The following CCNJL variants were observed in gnomAD, a reference collection of about 807,000 sequenced individuals.
CCNJL encodes cyclin J like.
Under a neutral mutation model 33.4 loss-of-function variants are expected in CCNJL, and 33 were observed. The ratio of observed to expected loss-of-function variants is 0.99; its 90% CI spans 0.75 to 1.32. CCNJL has a LOEUF of 1.32. Among genes scored for constraint, CCNJL ranks in the 40% most tolerant of loss-of-function variants. The probability of loss-of-function intolerance (pLI) is 0.00; values close to 1 mark genes in which losing one functional copy is unlikely to be tolerated. For missense variants in CCNJL, 512 were observed against 499.7 expected, an observed-to-expected ratio of 1.02 and a Z score of -0.23; for synonymous variants, 227 against 220.9, an observed-to-expected ratio of 1.03 and a Z score of -0.24.
chr5:160,295,261 A>T (rs148782734), intron 2 of CCNJL, among the ~76,000 whole-genome samples: 137 of 152,310 alleles, frequency 9.0e-4, no homozygotes, highest in African/African-American at 3.2e-3. Flanking sequence ...GAGGCCAAGG[A>T]GGGCGGTTCA....
intron 4 of CCNJL, among the ~76,000 whole-genome samples, chr5:160,259,076 G>GT (rs1343029678): frequency 6.6e-6 from 1 of 152,148 alleles, no homozygotes; most frequent in Non-Finnish European, 1.5e-5. Context: ...AAGTAACAGG[G>GT]TAACTTTTAT....
chr5:160,289,586 C>G lies in CCNJL; in HGVS notation c.67-8848G>C, dbSNP rs138107713. 1.7e-3 allele frequency among the ~76,000 whole-genome samples: 264 copies of G among 152,060 alleles called. 2 individuals are homozygous for G. The highest frequency in any genetic ancestry group is 6.0e-3 in the African/African-American group (250 of 41,476). On this transcript the variant is annotated intron_variant, in intron 2 of 5. Coordinates refer to ENST00000257536, the MANE Select transcript of CCNJL (RefSeq NM_001308173.3). ...GGTGGCTGCCCCTTTAGAAACCACT[C>G]TCCTTGCTGCCCAAGAGTTTTGCCT...
At chr5:160,269,675 T>A (rs1249290058) in intron 3 of CCNJL, 1 of 352,258 alleles carries the variant, frequency 2.8e-6, no homozygotes, top group African/African-American at 2.2e-5. Context: ...TCAGCACAAA[T>A]GCTGCTCTGC....
intron 3 of CCNJL, among the ~76,000 whole-genome samples, chr5:160,275,674 A>C (rs1398714724): frequency 1.3e-5 from 2 of 152,196 alleles, no homozygotes; most frequent in East Asian, 3.8e-4. Flanking sequence ...TTTTAAAAGT[A>C]AAAACGTATC....
At chr5:160,295,554 A>C (rs1293610886) in intron 2 of CCNJL, among the ~76,000 whole-genome samples, 1 of 152,196 alleles carries the variant, frequency 6.6e-6, no homozygotes, top group African/African-American at 2.4e-5. Flanking sequence ...AGGTCATATT[A>C]GATCAGGATA....
chr5:160,259,742 G>A lies in CCNJL; in HGVS notation c.310C>T (p.Pro104Ser), dbSNP rs764067262. 5.6e-6 allele frequency: 9 copies of A among 1,612,280 alleles called. No homozygotes were observed. Among genetic ancestry groups the A allele is most frequent in the Middle Eastern group, 1.7e-4 (1 of 6,056 alleles). ...GTGCTGTTTATTTGCTCCAACTTGGGGACGTGGTCTTCCCGATCCTCGAAC... is the reference window on the plus strand; with the variant it reads ...GTGCTGTTTATTTGCTCCAACTTGGAGACGTGGTCTTCCCGATCCTCGAAC... ...SKFEDREDHVPKLEQINSTRI... is the reference protein window; with the variant it reads ...SKFEDREDHVSKLEQINSTRI... The change falls in exon 4 of 6, where the codon CCC (proline) becomes TCC (serine). Residue 104 changes from proline to serine, a missense_variant. Pro to Ser is a moderately conservative substitution (Grantham distance 74). Transcript: ENST00000257536.
rs746281956 is a variant in CCNJL at position 160,255,685 on chromosome 5, G to A, written c.607C>T (p.Pro203Ser). The A allele has an allele frequency of 6.2e-7, 1 of 1,613,964 alleles. No individual in the cohort carries two copies. Among genetic ancestry groups the A allele is most frequent in the South Asian group, 1.1e-5 (1 of 91,082 alleles). ...LQDHIFYKFQ[P>S]SVVAAACVGA... ...ACACAGGCCGCAGCGACCACAGAAG[G>A]CTGGAATTTGTAGAATATGTGATCT... Residue 203 changes from proline (P) to serine (S), a missense_variant, in exon 5 of 6, where the codon CCT (proline) becomes TCT (serine). Coordinates refer to ENST00000257536, the MANE Select transcript of CCNJL (RefSeq NM_001308173.3).
chr5:160,316,558 G>A (rs1016338226), upstream of CCNJL, among the ~76,000 whole-genome samples: 1 of 152,112 alleles, frequency 6.6e-6, no homozygotes, highest in South Asian at 2.1e-4. Context: ...CTCAAACATG[G>A]AAAAATGTAC....
chr5:160,254,367 A>G, intron 5 of CCNJL: 1 of 657,874 alleles, frequency 1.5e-6, no homozygotes, highest in Non-Finnish European at 2.7e-6. Flanking sequence ...TCTCAAAAAA[A>G]GCTTCCCATA....
chr5:160,282,966 AATATATATAT>A (rs70990720), intron 2 of CCNJL, among the ~76,000 whole-genome samples: 1,451 of 43,266 alleles, frequency 0.034, 61 homozygotes, highest in African/African-American at 0.098. Context: ...CAGTCCTTGG[AATATATATAT>A]ATATATATAT....
chr5:160,320,355 G>T (rs1303813253), intron 1 of CCNJL, among the ~76,000 whole-genome samples: 1 of 152,118 alleles, frequency 6.6e-6, no homozygotes, highest in Non-Finnish European at 1.5e-5. Flanking sequence ...GAAAGGAGGG[G>T]GTGGGATTCG....
At chr5:160,327,330 A>G (rs1763550605) in intron 1 of CCNJL, among the ~76,000 whole-genome samples, 1 of 152,182 alleles carries the variant, frequency 6.6e-6, no homozygotes, top group Non-Finnish European at 1.5e-5. Flanking sequence ...GGCTCTTGGG[A>G]GCATCAGTGA....
chr5:160,312,228 A>C, intron 1 of CCNJL, 136 bp downstream of exon 1: 1 of 481,438 alleles, frequency 2.1e-6, no homozygotes. Flanking sequence ...GTTGCAGAGA[A>C]AGTTGTCAAC....
At chr5:160,323,302 C>G (rs1165960859) in intron 1 of CCNJL, among the ~76,000 whole-genome samples, 10 of 152,006 alleles carry the variant, frequency 6.6e-5, no homozygotes, top group South Asian at 4.1e-4. Context: ...ACTATGTTGC[C>G]CAAGCTGGTC....
chr5:160,310,775 T>C (rs919239969), intron 2 of CCNJL, among the ~76,000 whole-genome samples: 9 of 152,102 alleles, frequency 5.9e-5, no homozygotes, highest in Non-Finnish European at 1.0e-4. Flanking sequence ...GATAGCACCA[T>C]GTGACAGTGG....
chr5:160,309,095 T>G (rs1365235417), intron 2 of CCNJL, among the ~76,000 whole-genome samples: 1 of 152,112 alleles, frequency 6.6e-6, no homozygotes, highest in East Asian at 1.9e-4. Context: ...CACGCAGTGG[T>G]AAGGACTGGG....
intron 1 of CCNJL, among the ~76,000 whole-genome samples, chr5:160,320,477 A>G (rs1763426435): frequency 6.6e-6 from 1 of 152,210 alleles, no homozygotes. Flanking sequence ...CTTTGGAAGA[A>G]ACTTGGAGGG....
At chr5:160,261,007 T>G (rs77049979) in intron 3 of CCNJL, 3 of 152,264 alleles carry the variant, frequency 2.0e-5, no homozygotes, top group Non-Finnish European at 4.4e-5. Flanking sequence ...AAAAGAGGCA[T>G]TGGGGCGGCC....
At chr5:160,267,808 T>C (rs1036661318) in intron 3 of CCNJL, among the ~76,000 whole-genome samples, 2 of 152,234 alleles carry the variant, frequency 1.3e-5, no homozygotes, top group Non-Finnish European at 2.9e-5. Context: ...GTGATCTTCC[T>C]GCTTCGGCTT....
Sources: allele counts gnomAD v4.1 joint callset (sites outside exome capture counted in the v4.1 genomes callset), GRCh38; gene constraint gnomAD v4.1.1; transcripts MANE v1.5; gene names NCBI Gene and HGNC (gene_info 2026-07-23, HGNC 2026-07-21).